Variants in ANKS1B observed in about 807,000 individuals in gnomAD.
The protein encoded by ANKS1B is ankyrin repeat and sterile alpha motif domain-containing protein 1B.
A neutral mutation model predicts 148.3 loss-of-function variants in ANKS1B; 36 were observed. That is an observed-to-expected ratio of 0.24 (90% CI 0.19 to 0.32). The LOEUF (loss-of-function observed/expected upper bound fraction) is 0.32, where lower values mean the gene tolerates loss of function less well. Among genes scored for constraint, ANKS1B ranks in the 10% least tolerant of loss-of-function variants. ANKS1B has a pLI of 1.00. For missense variants in ANKS1B, 1,157 were observed against 1,542.6 expected (o/e 0.75, Z 4.19); for synonymous variants, 542 against 560.8 (o/e 0.97, Z 0.47).
intron 17 of ANKS1B, among the ~76,000 whole-genome samples, chr12:99,023,769 C>G (rs1190482080): frequency 6.6e-6 from 1 of 150,502 alleles, no homozygotes; most frequent in Non-Finnish European, 1.5e-5. Context: ...ATCTATATAC[C>G]TCTCTGTGAA....
At chr12:99,370,013 T>C (rs1427775537) in intron 12 of ANKS1B, among the ~76,000 whole-genome samples, 1 of 152,140 alleles carries the variant, frequency 6.6e-6, no homozygotes, top group East Asian at 1.9e-4. Context: ...GTGAAGAACA[T>C]TGTACAAATA....
At chr12:99,933,017 ACTGT>A (rs950076908) in intron 1 of ANKS1B, among the ~76,000 whole-genome samples, 4 of 152,024 alleles carry the variant, frequency 2.6e-5, no homozygotes, top group East Asian at 1.9e-4. Context: ...TACTGAAGAG[ACTGT>A]CTTTTTCCCC....
At chr12:99,728,756 G>C (rs559013361) in intron 8 of ANKS1B, among the ~76,000 whole-genome samples, 1 of 152,108 alleles carries the variant, frequency 6.6e-6, no homozygotes, top group African/African-American at 2.4e-5. Context: ...AAGAAAATGC[G>C]GTAAATATAC....
chr12:99,794,462 C>T (rs1232395596), intron 4 of ANKS1B, among the ~76,000 whole-genome samples: 1 of 105,492 alleles, frequency 9.5e-6, no homozygotes, highest in African/African-American at 4.0e-5. Flanking sequence ...AAATGTGGTA[C>T]ACACACACAC....
chr12:99,826,341 C>T (rs2083186703), intron 1 of ANKS1B, among the ~76,000 whole-genome samples: 1 of 152,126 alleles, frequency 6.6e-6, no homozygotes, highest in Admixed American at 6.5e-5. Flanking sequence ...CCAGACAGCA[C>T]ACAGGCATCT....
intron 14 of ANKS1B, among the ~76,000 whole-genome samples, chr12:99,210,339 T>A (rs183447036): frequency 6.6e-6 from 1 of 152,214 alleles, no homozygotes; most frequent in African/African-American, 2.4e-5. Flanking sequence ...TGTATCATAA[T>A]GAAACTCTTA....
At chr12:99,734,961 C>A (rs887247700) in intron 8 of ANKS1B, among the ~76,000 whole-genome samples, 1 of 152,126 alleles carries the variant, frequency 6.6e-6, no homozygotes, top group Non-Finnish European at 1.5e-5. Flanking sequence ...CTTCTATGTT[C>A]TCTATTATGG....
chr12:98,902,677 T>C (rs546675822), intron 17 of ANKS1B, among the ~76,000 whole-genome samples: 10 of 152,304 alleles, frequency 6.6e-5, no homozygotes, highest in Admixed American at 6.5e-4. Context: ...TGACTGCACC[T>C]CAGTTTCTGC....
At chr12:99,492,368 T>TA (rs2096563795) in intron 10 of ANKS1B, among the ~76,000 whole-genome samples, 1 of 152,078 alleles carries the variant, frequency 6.6e-6, no homozygotes, top group Non-Finnish European at 1.5e-5. Context: ...ACTGATTCCC[T>TA]AAACAGCCCA....
At chr12:99,413,860 T>C (rs1436858899) in intron 11 of ANKS1B, among the ~76,000 whole-genome samples, 1 of 152,178 alleles carries the variant, frequency 6.6e-6, no homozygotes, top group Admixed American at 6.5e-5. Context: ...CTTCTCCTGC[T>C]AGCTGTTGAT....
chr12:98,789,131 T>C (rs987144879), intron 22 of ANKS1B, among the ~76,000 whole-genome samples: 3 of 152,116 alleles, frequency 2.0e-5, no homozygotes, highest in African/African-American at 7.2e-5. Context: ...TCACTGAAGA[T>C]CAGGAGTTCA....
chr12:98,794,989 C>A (rs1227652400), intron 22 of ANKS1B: 4 of 983,246 alleles, frequency 4.1e-6, no homozygotes, highest in Admixed American at 1.7e-5. Flanking sequence ...GTAACCATTT[C>A]TTTTATGAAC....
intron 9 of ANKS1B, among the ~76,000 whole-genome samples, chr12:99,546,299 G>A (rs2097172379): frequency 6.6e-6 from 1 of 152,106 alleles, no homozygotes; most frequent in South Asian, 2.1e-4. Flanking sequence ...ATATAAGGAA[G>A]GGCTAACTTA....
intron 9 of ANKS1B, among the ~76,000 whole-genome samples, chr12:99,588,014 G>A (rs931779252): frequency 2.6e-5 from 4 of 152,050 alleles, no homozygotes; most frequent in African/African-American, 9.7e-5. Context: ...CATTGAGTCA[G>A]ATATTATGAC....
intron 12 of ANKS1B, among the ~76,000 whole-genome samples, chr12:99,343,246 T>A (rs1334276962): frequency 6.6e-6 from 1 of 152,056 alleles, no homozygotes; most frequent in African/African-American, 2.4e-5. Flanking sequence ...TGAAGAAAAT[T>A]AAGTAGCAGT....
chr12:99,774,505 G>A (rs2063476857), intron 7 of ANKS1B, among the ~76,000 whole-genome samples: 1 of 152,058 alleles, frequency 6.6e-6, no homozygotes, highest in Non-Finnish European at 1.5e-5. Flanking sequence ...AGGATGTGGA[G>A]AAAGGGAACC....
At chr12:99,129,183 G>C (rs2065330650) in intron 15 of ANKS1B, among the ~76,000 whole-genome samples, 1 of 152,210 alleles carries the variant, frequency 6.6e-6, no homozygotes, top group African/African-American at 2.4e-5. Flanking sequence ...CCAAGATAAA[G>C]AAGCATTCAA....
intron 17 of ANKS1B, among the ~76,000 whole-genome samples, chr12:99,041,034 G>A (rs1376252439): frequency 6.6e-6 from 1 of 152,158 alleles, no homozygotes; most frequent in Non-Finnish European, 1.5e-5. Context: ...CTGGACCTCA[G>A]GGATAAAGAC....
At chr12:99,370,148 AT>A (rs2093046616) in intron 12 of ANKS1B, among the ~76,000 whole-genome samples, 3 of 152,134 alleles carry the variant, frequency 2.0e-5, no homozygotes, top group Non-Finnish European at 4.4e-5. Flanking sequence ...AGCTAACGGC[AT>A]AGATATGATA....
Sources: gnomAD v4.1 joint callset for allele counts (sites outside exome capture counted in the v4.1 genomes callset) on GRCh38, gnomAD v4.1.1 for gene constraint, MANE v1.5 for transcripts, NCBI Gene and HGNC (gene_info 2026-07-23, HGNC 2026-07-21) for gene names.